CTNND2: variants seen among roughly 807,000 people sequenced by gnomAD.
CTNND2 encodes the protein catenin delta-2.
In CTNND2, 22 loss-of-function variants were observed where a neutral mutation model predicts 144.4. That is an observed-to-expected ratio of 0.15 (90% CI 0.11 to 0.22). The LOEUF (loss-of-function observed/expected upper bound fraction) is 0.22, where lower values mean the gene tolerates loss of function less well. CTNND2 is among the 10% of genes least tolerant of loss of function. CTNND2 has a pLI of 1.00. For missense variants in CTNND2, 1,353 were observed against 1,618.8 expected (o/e 0.84, Z 2.82); for synonymous variants, 751 against 695.6 (o/e 1.08, Z -1.25).
chr5:11,105,799 T>C (rs942808263), intron 14 of CTNND2, among the ~76,000 whole-genome samples: 1 of 152,172 alleles, frequency 6.6e-6, no homozygotes, highest in African/African-American at 2.4e-5. Context: ...TCATGAGATA[T>C]GTTGCTTCCA....
chr5:11,401,989 G>C (rs1760687459), intron 5 of CTNND2, among the ~76,000 whole-genome samples: 1 of 151,946 alleles, frequency 6.6e-6, no homozygotes, highest in Non-Finnish European at 1.5e-5. Context: ...ACCTTCACAG[G>C]GATATTTTGG....
chr5:11,418,266 C>T (rs182454185), intron 3 of CTNND2, among the ~76,000 whole-genome samples: 15 of 152,074 alleles, frequency 9.9e-5, no homozygotes, highest in East Asian at 7.8e-4. Context: ...AGTAGCTGGG[C>T]GTGGTGGCGC....
intron 13 of CTNND2, 78 bp downstream of exon 13, chr5:11,117,372 C>A (rs1753658855): frequency 9.1e-6 from 10 of 1,099,706 alleles, no homozygotes; most frequent in African/African-American, 1.5e-5. Context: ...CATTGGCTCT[C>A]CAGGGTTGTT....
intron 1 of CTNND2, among the ~76,000 whole-genome samples, chr5:11,818,243 C>A (rs1793122595): frequency 1.3e-5 from 2 of 152,000 alleles, no homozygotes; most frequent in African/African-American, 4.8e-5. Context: ...TGGTAATGCC[C>A]ATGAATTAAT....
At chr5:11,030,572 C>T (rs1743335463) in intron 16 of CTNND2, among the ~76,000 whole-genome samples, 1 of 151,938 alleles carries the variant, frequency 6.6e-6, no homozygotes, top group Non-Finnish European at 1.5e-5. Context: ...CTTTTCAGCT[C>T]TAAATTTTTT....
chr5:11,335,796 T>C (rs987544938), intron 9 of CTNND2, among the ~76,000 whole-genome samples: 8 of 152,088 alleles, frequency 5.3e-5, no homozygotes, highest in Admixed American at 2.0e-4. Flanking sequence ...AGATGGAAAA[T>C]TGAAAATACC....
In CTNND2 at chr5:11,675,729, CAT is replaced by C. The variant is rs528997727; in HGVS notation, c.174+56405_174+56406del. On this transcript the variant is annotated intron_variant, in intron 2 of 21. Transcript: ENST00000304623. ...CATATATATATAAACTATTACATCACATATATGTGTGTGTATATATATGTGTG... is the reference window on the plus strand; with the variant it reads ...CATATATATATAAACTATTACATCACATATGTGTGTGTATATATATGTGTG... 2.3e-3 allele frequency among the ~76,000 whole-genome samples: 351 copies of C among 152,004 alleles called. 2 individuals are homozygous for C. Among genetic ancestry groups the C allele is most frequent in the Middle Eastern group, 6.8e-3 (2 of 292 alleles).
At chr5:11,373,316 A>AT (rs1757628034) in intron 7 of CTNND2, among the ~76,000 whole-genome samples, 1 of 152,122 alleles carries the variant, frequency 6.6e-6, no homozygotes, top group Non-Finnish European at 1.5e-5. Flanking sequence ...AGCTCAAGTG[A>AT]TCCTCACACT....
intron 10 of CTNND2, among the ~76,000 whole-genome samples, chr5:11,208,597 A>G (rs1286196186): frequency 6.6e-6 from 1 of 152,200 alleles, no homozygotes; most frequent in Non-Finnish European, 1.5e-5. Flanking sequence ...GGCTCACCAC[A>G]TAAGGGATGA....
Position 11,158,060 on chromosome 5 carries a change from G to A in CTNND2, c.2159+1516C>T, listed in dbSNP as rs554667669. Among the ~76,000 whole-genome samples the A allele has an allele frequency of 9.9e-5, 15 of 152,268 alleles. 1 individual carries two copies. Among genetic ancestry groups the A allele is most frequent in the African/African-American group, 3.4e-4 (14 of 41,556 alleles). On this transcript the variant is annotated intron_variant, in intron 12 of 21. Transcript: ENST00000304623. The stretch of plus-strand genomic sequence containing the variant: ...CCTATATCCTTTCAAACACCACGAA[G>A]ACATACTTATGCTACTATATTAATC...
intron 7 of CTNND2, among the ~76,000 whole-genome samples, chr5:11,368,147 A>C (rs1252151128): frequency 6.6e-6 from 1 of 152,154 alleles, no homozygotes; most frequent in African/African-American, 2.4e-5. Flanking sequence ...AGGAGGACTA[A>C]AGGGTATTGG....
chr5:10,987,889 C>T (rs929778747), intron 20 of CTNND2, among the ~76,000 whole-genome samples: 3 of 151,902 alleles, frequency 2.0e-5, no homozygotes, highest in African/African-American at 4.8e-5. Flanking sequence ...AGGAAAGGAC[C>T]GATAAAACAT....
At chr5:10,994,401 GAAC>G (rs1167450951) in intron 18 of CTNND2, among the ~76,000 whole-genome samples, 48 of 37,634 alleles carry the variant, frequency 1.3e-3, no homozygotes, top group African/African-American at 4.3e-3. Context: ...GGGGGGCGGG[GAAC>G]GAGGAACGGG....
At chr5:11,215,735 C>A (rs887319918) in intron 10 of CTNND2, among the ~76,000 whole-genome samples, 4 of 152,138 alleles carry the variant, frequency 2.6e-5, no homozygotes, top group African/African-American at 9.7e-5. Flanking sequence ...TTAGGATGTT[C>A]ATCACAGAGA....
At chr5:11,435,251 G>C (rs1213416623) in intron 3 of CTNND2, among the ~76,000 whole-genome samples, 1 of 151,824 alleles carries the variant, frequency 6.6e-6, no homozygotes, top group East Asian at 1.9e-4. Flanking sequence ...CCATTCCCCT[G>C]CCTCAGCCTC....
intron 1 of CTNND2, among the ~76,000 whole-genome samples, chr5:11,861,779 A>C (rs1173963194): frequency 6.6e-6 from 1 of 152,176 alleles, no homozygotes; most frequent in Non-Finnish European, 1.5e-5. Flanking sequence ...TGAAGTGATG[A>C]CTACATTTCC....
intron 11 of CTNND2, among the ~76,000 whole-genome samples, chr5:11,171,333 C>T (rs1022529549): frequency 1.8e-4 from 27 of 152,226 alleles, no homozygotes; most frequent in Non-Finnish European, 4.0e-4. Flanking sequence ...TCTCACACTT[C>T]CAATTATATT....
At chr5:11,696,288 A>ATTC (rs58753752) in intron 2 of CTNND2, among the ~76,000 whole-genome samples, 20,135 of 152,170 alleles carry the variant, frequency 0.13, 4,389 homozygotes, top group African/African-American at 0.46. Context: ...GTCATGAAAT[A>ATTC]TTCTTCTTTT....
At chr5:11,606,441 G>T (rs1780046904) in intron 2 of CTNND2, among the ~76,000 whole-genome samples, 1 of 152,260 alleles carries the variant, frequency 6.6e-6, no homozygotes, top group East Asian at 1.9e-4. Flanking sequence ...AAGGGAAAGA[G>T]ACACATTGGG....
Sources: gnomAD v4.1 joint callset for allele counts (sites outside exome capture counted in the v4.1 genomes callset) on GRCh38, gnomAD v4.1.1 for gene constraint, MANE v1.5 for transcripts, NCBI Gene and HGNC (gene_info 2026-07-23, HGNC 2026-07-21) for gene names.